NRXN3: variants seen among roughly 807,000 people sequenced by gnomAD.
NRXN3 encodes neurexin III.
NRXN3 carries 32 observed loss-of-function variants against 137.6 expected under a neutral mutation model. The ratio of observed to expected loss-of-function variants is 0.23; its 90% CI spans 0.18 to 0.31. NRXN3 has a LOEUF of 0.31. Ranked by LOEUF, NRXN3 falls within the 10% of genes least tolerant of loss-of-function variation. The pLI is 1.00. For synonymous variants in NRXN3, 798 were observed against 784.5 expected, an observed-to-expected ratio of 1.02 and a Z score of -0.29; for missense variants, 1,574 against 2,062.5, an observed-to-expected ratio of 0.76 and a Z score of 4.59.
At chr14:78,537,377 A>G (rs1262224522) in intron 4 of NRXN3, among the ~76,000 whole-genome samples, 1 of 152,156 alleles carries the variant, frequency 6.6e-6, no homozygotes, top group Non-Finnish European at 1.5e-5. Context: ...GCATTTTTAC[A>G]TGTGTCTATT....
intron 4 of NRXN3, among the ~76,000 whole-genome samples, chr14:78,607,842 T>A (rs901350557): frequency 6.6e-6 from 1 of 152,104 alleles, no homozygotes; most frequent in Non-Finnish European, 1.5e-5. Flanking sequence ...ACAGAGCCCC[T>A]CAGTGACATT....
intron 15 of NRXN3, among the ~76,000 whole-genome samples, chr14:79,132,486 G>C (rs2057677663): frequency 6.6e-6 from 1 of 151,930 alleles, no homozygotes; most frequent in South Asian, 2.1e-4. Context: ...TGAATATATT[G>C]GGTTAAGTTA....
intron 15 of NRXN3, among the ~76,000 whole-genome samples, chr14:79,382,976 G>A (rs1434238404): frequency 7.1e-6 from 1 of 141,760 alleles, no homozygotes; most frequent in Non-Finnish European, 1.5e-5. Flanking sequence ...ACAGAGGGGA[G>A]AGATGAGAGG....
intron 20 of NRXN3, among the ~76,000 whole-genome samples, chr14:79,822,595 T>C (rs992344656): frequency 8.5e-5 from 13 of 152,178 alleles, no homozygotes; most frequent in African/African-American, 3.1e-4. Flanking sequence ...GTGTTCTCTA[T>C]GTTGCCACAT....
intron 16 of NRXN3, among the ~76,000 whole-genome samples, chr14:79,590,467 T>G (rs1297971776): frequency 1.4e-5 from 2 of 144,674 alleles, no homozygotes; most frequent in Non-Finnish European, 1.5e-5. Flanking sequence ...CAATACTGAG[T>G]TGACTGTCAA....
intron 15 of NRXN3, among the ~76,000 whole-genome samples, chr14:79,360,476 A>G (rs190294980): frequency 4.6e-4 from 70 of 152,270 alleles, no homozygotes; most frequent in Non-Finnish European, 8.8e-4. Flanking sequence ...TTCATTCTAT[A>G]CACATTTATT....
chr14:78,500,789 C>A (rs538028875), intron 4 of NRXN3, among the ~76,000 whole-genome samples: 31 of 152,282 alleles, frequency 2.0e-4, no homozygotes, highest in Middle Eastern at 3.4e-3. Flanking sequence ...GGGGCTTCAT[C>A]TGCTCCTTTG....
At chr14:79,074,624 T>A (rs1480074710) in intron 15 of NRXN3, 1 of 152,266 alleles carries the variant, frequency 6.6e-6, no homozygotes, top group Non-Finnish European at 1.5e-5. Context: ...CCAGTGTTCC[T>A]TTATCACATT....
At chr14:78,678,984 T>C (rs1224162177) in intron 6 of NRXN3, among the ~76,000 whole-genome samples, 3 of 152,150 alleles carry the variant, frequency 2.0e-5, no homozygotes, top group Admixed American at 2.0e-4. Context: ...ATGTACCATC[T>C]TTCAAAAATG....
rs375415175 is a variant in NRXN3, at chr14:78,494,552, G to C, written c.758-150568G>C. Reference sequence around the variant, plus strand: ...TGTAACCTAAAGTAAGGGTTGAAGTGGGGGAAGATGAAACAATAGGTGGCT... The same window carrying C: ...TGTAACCTAAAGTAAGGGTTGAAGTCGGGGAAGATGAAACAATAGGTGGCT... On this transcript the variant is annotated intron_variant, in intron 4 of 20. Coordinates refer to ENST00000335750, the MANE Select transcript of NRXN3 (RefSeq NM_001330195.2). Among the ~76,000 whole-genome samples the C allele has an allele frequency of 7.2e-5, 11 of 151,990 alleles. No homozygotes were observed. The East Asian group carries it at 1.7e-3, about 24-fold the overall frequency.
At chr14:79,122,640 T>C (rs1450010090) in intron 15 of NRXN3, among the ~76,000 whole-genome samples, 1 of 152,236 alleles carries the variant, frequency 6.6e-6, no homozygotes, top group African/African-American at 2.4e-5. Flanking sequence ...AGGCCTTAAC[T>C]TGGAATATGT....
chr14:79,342,222 G>C (rs906079624), intron 15 of NRXN3, among the ~76,000 whole-genome samples: 9 of 152,132 alleles, frequency 5.9e-5, no homozygotes, highest in African/African-American at 1.7e-4. Context: ...GGTGCAGAGA[G>C]ATTAGAGGAA....
chr14:78,314,210 T>C (rs2078291192), intron 4 of NRXN3, among the ~76,000 whole-genome samples: 1 of 152,206 alleles, frequency 6.6e-6, no homozygotes, highest in Non-Finnish European at 1.5e-5. Context: ...GTTTCTCTGT[T>C]AGTCTGTGTT....
At chr14:78,300,280 T>C (rs2076751474) in intron 4 of NRXN3, among the ~76,000 whole-genome samples, 1 of 152,254 alleles carries the variant, frequency 6.6e-6, no homozygotes, top group Non-Finnish European at 1.5e-5. Flanking sequence ...TTCTCCGAGA[T>C]GTCCCCTAAT....
At chr14:79,259,730 A>G (rs1294912924) in intron 15 of NRXN3, among the ~76,000 whole-genome samples, 1 of 150,576 alleles carries the variant, frequency 6.6e-6, no homozygotes, top group Non-Finnish European at 1.5e-5. Context: ...ACACACACAC[A>G]CACACACACA....
At chr14:78,875,919 C>T (rs1224913112) in intron 10 of NRXN3, among the ~76,000 whole-genome samples, 1 of 152,130 alleles carries the variant, frequency 6.6e-6, no homozygotes, top group African/African-American at 2.4e-5. Flanking sequence ...CAACTACTCC[C>T]CTTGTATTCT....
chr14:79,853,704 T>G, intron 20 of NRXN3: 1 of 1,231,852 alleles, frequency 8.1e-7, no homozygotes, highest in Non-Finnish European at 1.0e-6. Context: ...TTCTTTAGCA[T>G]TGTTAAAATT....
At chr14:78,793,625 A>C (rs1331860370) in intron 8 of NRXN3, among the ~76,000 whole-genome samples, 2 of 152,224 alleles carry the variant, frequency 1.3e-5, no homozygotes, top group East Asian at 3.9e-4. Context: ...GGCAACACAC[A>C]TGAAGTGTTG....
chr14:78,619,655 C>T (rs889527473), intron 4 of NRXN3, among the ~76,000 whole-genome samples: 2 of 151,996 alleles, frequency 1.3e-5, no homozygotes, highest in East Asian at 3.9e-4. Context: ...CTCTTGCCCT[C>T]TTTGCTTGGC....
Sources: allele counts gnomAD v4.1 joint callset (sites outside exome capture counted in the v4.1 genomes callset), GRCh38; gene constraint gnomAD v4.1.1; transcripts MANE v1.5; gene names NCBI Gene and HGNC (gene_info 2026-07-23, HGNC 2026-07-21).